SYN2: variants seen among roughly 807,000 people sequenced by gnomAD.
The protein encoded by SYN2 is synapsin II.
In SYN2, 19 loss-of-function variants were observed where a neutral mutation model predicts 50.9. That is an observed-to-expected ratio of 0.37 (90% CI 0.26 to 0.55). The LOEUF (loss-of-function observed/expected upper bound fraction) is 0.55. SYN2 is among the 20% of genes least tolerant of loss of function. The probability of loss-of-function intolerance (pLI) is 0.81; values close to 1 mark genes in which losing one functional copy is unlikely to be tolerated. For missense variants in SYN2, 587 were observed against 576.4 expected, an observed-to-expected ratio of 1.02 and a Z score of -0.19; for synonymous variants, 255 against 224.9, an observed-to-expected ratio of 1.13 and a Z score of -1.20.
At chr3:12,085,072 A>G (rs1304948036) in intron 1 of SYN2, among the ~76,000 whole-genome samples, 1 of 149,640 alleles carries the variant, frequency 6.7e-6, no homozygotes, top group Non-Finnish European at 1.5e-5. Context: ...AATGGATTAA[A>G]GTTTCTAATC....
intron 1 of SYN2, among the ~76,000 whole-genome samples, chr3:12,112,620 A>G (rs924930180): frequency 1.3e-5 from 2 of 152,204 alleles, no homozygotes; most frequent in African/African-American, 4.8e-5. Context: ...AGTGACCCCT[A>G]TAAACCTTGT....
intron 1 of SYN2, among the ~76,000 whole-genome samples, chr3:12,123,134 T>C (rs1028234761): frequency 2.0e-5 from 3 of 152,130 alleles, no homozygotes; most frequent in African/African-American, 7.2e-5. Flanking sequence ...AATATGTGTC[T>C]AGCAATAGTT....
chr3:12,105,406 G>A (rs1402610236), intron 1 of SYN2, among the ~76,000 whole-genome samples: 1 of 151,120 alleles, frequency 6.6e-6, no homozygotes, highest in African/African-American at 2.4e-5. Context: ...GGCACATAGT[G>A]GACATCTAAC....
In SYN2 at chr3:12,128,827, C is replaced by A. The variant is rs951728613; in HGVS notation, c.378-11824C>A. Among the ~76,000 whole-genome samples, 12 of 151,996 alleles carry A rather than the reference C, an allele frequency of 7.9e-5. No individual in the cohort carries two copies. The South Asian group carries it at 1.2e-3, about 16-fold the overall frequency. ...TTACATAAAAAGAGGAGGAAAAAAA[C>A]CCCTGAAATGTGTGGCTGTGGTGCA... On this transcript the variant is annotated intron_variant, in intron 1 of 12. Coordinates refer to ENST00000621198, the MANE Select transcript of SYN2 (RefSeq NM_133625.6).
chr3:12,142,628 T>C (rs1393725514), intron 3 of SYN2, among the ~76,000 whole-genome samples: 1 of 152,184 alleles, frequency 6.6e-6, no homozygotes, highest in Admixed American at 6.5e-5. Flanking sequence ...AGATGTGATG[T>C]TGTCATACTC....
intron 1 of SYN2, among the ~76,000 whole-genome samples, chr3:12,084,773 G>T (rs918007881): frequency 2.6e-5 from 4 of 152,114 alleles, no homozygotes; most frequent in African/African-American, 9.7e-5. Flanking sequence ...GGAAGAAGGA[G>T]TAAAAGTTTA....
intron 1 of SYN2, among the ~76,000 whole-genome samples, chr3:12,046,312 TAAG>T (rs1694737495): frequency 6.6e-6 from 1 of 152,002 alleles, no homozygotes. Flanking sequence ...GCTAGGTAAA[TAAG>T]GAGAGCAACA....
chr3:12,005,000 C>T (rs1693764925), intron 1 of SYN2, 72 bp downstream of exon 1: 1 of 411,422 alleles, frequency 2.4e-6, no homozygotes, highest in Middle Eastern at 6.4e-4. Flanking sequence ...AGGACGGTCC[C>T]AGGTCGCCGA....
intron 11 of SYN2, chr3:12,183,906 G>T: frequency 9.9e-7 from 1 of 1,009,754 alleles, no homozygotes; most frequent in Non-Finnish European, 1.2e-6. Flanking sequence ...GTGTGCTTGG[G>T]ATCTTCAATG....
At chr3:12,124,388 A>T (rs1339931394) in intron 1 of SYN2, among the ~76,000 whole-genome samples, 1 of 152,206 alleles carries the variant, frequency 6.6e-6, no homozygotes, top group Non-Finnish European at 1.5e-5. Context: ...ATGTTTAGGT[A>T]AGTAAAGTAT....
At chr3:12,061,352 C>T (rs1695108847) in intron 1 of SYN2, among the ~76,000 whole-genome samples, 1 of 152,006 alleles carries the variant, frequency 6.6e-6, no homozygotes, top group East Asian at 1.9e-4. Context: ...CAAAATGCAA[C>T]GTTGATTCAT....
chr3:12,061,550 TAAGAC>T (rs1009401731), intron 1 of SYN2, among the ~76,000 whole-genome samples: 7 of 152,074 alleles, frequency 4.6e-5, no homozygotes, highest in African/African-American at 1.7e-4. Context: ...CTTAGTGAAA[TAAGAC>T]AAGAAAAGGA....
chr3:12,096,206 C>G (rs1559418054), intron 1 of SYN2, among the ~76,000 whole-genome samples: 1 of 152,122 alleles, frequency 6.6e-6, no homozygotes, highest in East Asian at 1.9e-4. Flanking sequence ...AAATTACTTC[C>G]TATCTTAAAG....
At chr3:12,164,203 C>G (rs985940340) in intron 7 of SYN2, among the ~76,000 whole-genome samples, 3 of 152,060 alleles carry the variant, frequency 2.0e-5, no homozygotes, top group African/African-American at 7.2e-5. Context: ...TTTAAAATCC[C>G]CTAAATAAAC....
At chr3:12,022,719 T>A (rs1553608016) in intron 1 of SYN2, among the ~76,000 whole-genome samples, 1 of 148,486 alleles carries the variant, frequency 6.7e-6, no homozygotes, top group Non-Finnish European at 1.5e-5. Context: ...ATTCTTTAAA[T>A]TTTTTTTTTG....
chr3:12,089,371 G>A (rs1695777776), intron 1 of SYN2, among the ~76,000 whole-genome samples: 1 of 152,130 alleles, frequency 6.6e-6, no homozygotes, highest in Admixed American at 6.5e-5. Context: ...GAATAGCATG[G>A]GAAAGGCCTG....
intron 1 of SYN2, among the ~76,000 whole-genome samples, chr3:12,018,933 A>C (rs1694074481): frequency 6.6e-6 from 1 of 152,196 alleles, no homozygotes; most frequent in Non-Finnish European, 1.5e-5. Context: ...GTAAGAACTT[A>C]GGGGAGGAAA....
chr3:12,076,389 A>G (rs1195459947), intron 1 of SYN2, among the ~76,000 whole-genome samples: 1 of 151,996 alleles, frequency 6.6e-6, no homozygotes, highest in Non-Finnish European at 1.5e-5. Flanking sequence ...AAGTAATTAT[A>G]TTTCTTTTCT....
At chr3:12,070,334 GC>G in intron 1 of SYN2, 1 of 503,944 alleles carries the variant, frequency 2.0e-6, no homozygotes, top group East Asian at 4.9e-5. Flanking sequence ...ATCCTTAGGC[GC>G]CCCTGGCACC....
Sources: gnomAD v4.1 joint callset for allele counts (sites outside exome capture counted in the v4.1 genomes callset) on GRCh38, gnomAD v4.1.1 for gene constraint, MANE v1.5 for transcripts, NCBI Gene and HGNC (gene_info 2026-07-23, HGNC 2026-07-21) for gene names.